The following NOSTRIN variants were observed in gnomAD, a reference collection of about 807,000 sequenced individuals.
The protein encoded by NOSTRIN is BM247 homolog.
In NOSTRIN, 63 loss-of-function variants were observed where a neutral mutation model predicts 59.0. The observed-to-expected ratio is 1.07, with a 90% CI of 0.87 to 1.32. The LOEUF is 1.32. Among genes scored for constraint, NOSTRIN ranks in the 40% most tolerant of loss-of-function variants. The probability of loss-of-function intolerance (pLI) is 0.00; values close to 1 mark genes in which losing one functional copy is unlikely to be tolerated. For synonymous variants in NOSTRIN, 200 were observed against 165.4 expected, an observed-to-expected ratio of 1.21 and a Z score of -1.61; for missense variants, 512 against 473.1, an observed-to-expected ratio of 1.08 and a Z score of -0.76.
chr2:168,846,743 A>G (rs753305215), intron 8 of NOSTRIN, among the ~76,000 whole-genome samples: 8 of 152,252 alleles, frequency 5.3e-5, no homozygotes, highest in Admixed American at 2.0e-4. Context: ...ATATGTGTCA[A>G]GAGCCTTAAA....
chr2:168,865,279 C>A lies in NOSTRIN; in HGVS notation c.*309C>A. On this transcript the variant is annotated 3_prime_UTR_variant, in exon 16 of 16. Coordinates refer to ENST00000317647, the MANE Select transcript of NOSTRIN (RefSeq NM_001039724.4). ...CAGACGGAGTCCAAGGTGGGTTCAG[C>A]TGCTTGCCTGAAGTCAGAGTTATCT... 1 of 242,360 alleles carries A rather than the reference C, an allele frequency of 4.1e-6. No homozygotes were observed. Among genetic ancestry groups the A allele is most frequent in the Non-Finnish European group, 8.0e-6 (1 of 124,954 alleles). 15.0% of individuals were successfully genotyped at this position (242,360 alleles called of 1,614,324 possible). A position where few individuals can be genotyped will look rare whatever the true frequency, so the allele number is the denominator to read the frequency against.
intron 5 of NOSTRIN, among the ~76,000 whole-genome samples, chr2:168,828,760 T>A (rs1388433124): frequency 6.6e-6 from 1 of 152,088 alleles, no homozygotes; most frequent in Non-Finnish European, 1.5e-5. Flanking sequence ...TAAATTGTGA[T>A]AAATTCAAGC....
intron 1 of NOSTRIN, among the ~76,000 whole-genome samples, chr2:168,809,808 T>TA (rs1317573894): frequency 6.6e-6 from 1 of 151,188 alleles, no homozygotes; most frequent in African/African-American, 2.4e-5. Flanking sequence ...TTATTGGAAG[T>TA]AAAAATTAGA....
chr2:168,819,348 G>A (rs564802734), intron 2 of NOSTRIN, among the ~76,000 whole-genome samples: 23 of 152,244 alleles, frequency 1.5e-4, no homozygotes, highest in African/African-American at 5.3e-4. Context: ...TCATTAGACC[G>A]GAAGCATGGA....
rs866877516 is a variant in NOSTRIN, at chr2:168,834,511, A to G, written c.504+186A>G. ...GGCGTGCGCGCGCGCGCGCGCGCAC[A>G]CACACACACACACACACACACACAC... is the stretch of plus-strand genomic sequence containing the variant. On this transcript the variant is annotated intron_variant, in intron 7 of 15. Coordinates refer to ENST00000317647, the MANE Select transcript of NOSTRIN (RefSeq NM_001039724.4). Among the ~76,000 whole-genome samples, 420 of 129,462 alleles carry G rather than the reference A, an allele frequency of 3.2e-3. 1 individual carries two copies. The highest frequency in any genetic ancestry group is 0.013 in the Admixed American group (169 of 12,942). The allele number at this position is 129,462 out of a possible 152,430, so 84.9% of individuals were successfully genotyped here. A position where few individuals can be genotyped will look rare whatever the true frequency, so the allele number is the denominator to read the frequency against.
At chr2:168,837,097 G>A (rs192120730) in intron 7 of NOSTRIN, among the ~76,000 whole-genome samples, 175 of 152,150 alleles carry the variant, frequency 1.2e-3, no homozygotes, top group Non-Finnish European at 1.4e-3. Context: ...TATAAGGGCA[G>A]TAATCCCATT....
intron 2 of NOSTRIN, among the ~76,000 whole-genome samples, chr2:168,790,270 G>T (rs983270600): frequency 1.3e-5 from 2 of 152,164 alleles, no homozygotes; most frequent in African/African-American, 4.8e-5. Context: ...GGGAAACTAT[G>T]AGTTCATATG....
chr2:168,854,097 G>A (rs11678685), intron 10 of NOSTRIN, among the ~76,000 whole-genome samples: 41,060 of 152,066 alleles, frequency 0.27, 5,942 homozygotes, highest in Non-Finnish European at 0.31. Context: ...TCGAACTCCT[G>A]ACCTCAAGTG....
At chr2:168,864,320 G>T (rs1212841895) in intron 15 of NOSTRIN, among the ~76,000 whole-genome samples, 1 of 147,640 alleles carries the variant, frequency 6.8e-6, no homozygotes, top group Non-Finnish European at 1.5e-5. Flanking sequence ...TTGCCCTGTT[G>T]CTGTTGCCCA....
upstream of NOSTRIN, among the ~76,000 whole-genome samples, chr2:168,802,030 C>T (rs2105513074): frequency 6.6e-6 from 1 of 152,094 alleles, no homozygotes; most frequent in African/African-American, 2.4e-5. Flanking sequence ...TGTTTGGTGT[C>T]TGGCCCTGTG....
chr2:168,859,390 C>T (rs779207757), intron 12 of NOSTRIN, 122 bp from the exon 13 acceptor site: 4 of 1,405,592 alleles, frequency 2.8e-6, no homozygotes, highest in African/African-American at 1.4e-5. Flanking sequence ...CTGTGAATAT[C>T]TGTATGAGTT....
intron 2 of NOSTRIN, among the ~76,000 whole-genome samples, chr2:168,821,554 C>T (rs920060053): frequency 1.3e-4 from 20 of 152,174 alleles, no homozygotes; most frequent in South Asian, 4.1e-4. Flanking sequence ...TGTTCACATC[C>T]GAGGGGTGTT....
At chr2:168,851,061 A>T (rs1461071952) in intron 8 of NOSTRIN, 23 bp from the exon 9 acceptor site, 29 of 1,318,612 alleles carry the variant, frequency 2.2e-5, no homozygotes, top group Non-Finnish European at 3.0e-5. Context: ...GGCTGATCTT[A>T]CCCCAATTTT....
chr2:168,863,950 A>G (rs1689671109), intron 15 of NOSTRIN, among the ~76,000 whole-genome samples: 1 of 151,694 alleles, frequency 6.6e-6, no homozygotes, highest in South Asian at 2.1e-4. Context: ...TTGCTCTGTC[A>G]CCCAGGCTGC....
At chr2:168,838,094 A>G (rs1687847727) in intron 7 of NOSTRIN, among the ~76,000 whole-genome samples, 1 of 152,236 alleles carries the variant, frequency 6.6e-6, no homozygotes, top group Non-Finnish European at 1.5e-5. Context: ...ATTCAACTAC[A>G]GTATCTATGC....
chr2:168,842,319 T>C (rs948959090), intron 7 of NOSTRIN, among the ~76,000 whole-genome samples: 11 of 152,144 alleles, frequency 7.2e-5, no homozygotes, highest in Non-Finnish European at 1.0e-4. Context: ...TATTGTTTTC[T>C]GAGTCCCAAG....
chr2:168,864,299 G>GAGAC lies in NOSTRIN; in HGVS notation c.1385-531_1385-528dup, dbSNP rs1413751232. 1.3e-3 allele frequency among the ~76,000 whole-genome samples: 188 copies of GAGAC among 142,750 alleles called. 1 individual carries two copies. The highest frequency in any genetic ancestry group is 4.5e-3 in the African/African-American group (170 of 37,966). 93.6% of individuals were successfully genotyped at this position (142,750 alleles called of 152,430 possible). A position where few individuals can be genotyped will look rare whatever the true frequency, so the allele number is the denominator to read the frequency against. On this transcript the variant is annotated intron_variant, in intron 15 of 15. Coordinates refer to ENST00000317647, the MANE Select transcript of NOSTRIN (RefSeq NM_001039724.4). ...GCTGTGATCCTGTTTTTTTTTTTCT[G>GAGAC]AGACAGAGTCTTGCCCTGTTGCTGT...
intron 8 of NOSTRIN, chr2:168,850,707 G>T (rs1688709373): frequency 6.3e-6 from 4 of 637,432 alleles, no homozygotes; most frequent in African/African-American, 1.8e-5. Context: ...GAGGTCAGGA[G>T]TTCAAGGCCA....
At chr2:168,847,137 A>G (rs1442591371) in intron 8 of NOSTRIN, among the ~76,000 whole-genome samples, 2 of 152,220 alleles carry the variant, frequency 1.3e-5, no homozygotes, top group African/African-American at 4.8e-5. Flanking sequence ...TCAGAGACTA[A>G]TGGCACGGGA....
Sources: allele counts gnomAD v4.1 joint callset (sites outside exome capture counted in the v4.1 genomes callset), GRCh38; gene constraint gnomAD v4.1.1; transcripts MANE v1.5; gene names NCBI Gene and HGNC (gene_info 2026-07-23, HGNC 2026-07-21).